The following INTS6 variants were observed in gnomAD, a reference collection of about 807,000 sequenced individuals.
INTS6 encodes the protein DEAD box protein.
INTS6 carries 16 observed loss-of-function variants against 104.9 expected under a neutral mutation model. The ratio of observed to expected loss-of-function variants is 0.15; its 90% CI spans 0.10 to 0.23. The LOEUF (loss-of-function observed/expected upper bound fraction) is 0.23. Among genes scored for constraint, INTS6 ranks in the 10% least tolerant of loss-of-function variants. The pLI is 1.00. For missense variants in INTS6, 584 were observed against 1,062.8 expected, an observed-to-expected ratio of 0.55 and a Z score of 6.26; for synonymous variants, 324 against 358.7, an observed-to-expected ratio of 0.90 and a Z score of 1.09.
Position 51,389,303 on chromosome 13 carries a change from A to G in INTS6, c.739+16T>C, listed in dbSNP as rs750763220. The G allele has an allele frequency of 1.2e-6, 2 of 1,602,598 alleles. No individual in the cohort carries two copies. The highest frequency in any genetic ancestry group is 1.1e-5 in the South Asian group (1 of 88,730). On this transcript the variant is annotated intron_variant, in intron 6 of 17. Coordinates refer to ENST00000311234, the MANE Select transcript of INTS6 (RefSeq NM_012141.3). Reference sequence around the variant, plus strand: ...AAAGCAAGTTTTGAATGTCTAAAAGAAAAGTGCAATAATACCTTCTACAGG... The same window carrying G: ...AAAGCAAGTTTTGAATGTCTAAAAGGAAAGTGCAATAATACCTTCTACAGG...
chr13:51,361,928 T>G lies in INTS6; in HGVS notation c.*3824A>C. ...TATTTTTTGACAGGATTCAGATAAT[T>G]TATCAGTGTCTCTCTAGCAACAAGG... On this transcript the variant is annotated 3_prime_UTR_variant, in exon 18 of 18. Transcript: ENST00000311234. The G allele has an allele frequency of 6.2e-7, 1 of 1,611,962 alleles. No individual in the cohort carries two copies. The highest frequency in any genetic ancestry group is 8.5e-7 in the Non-Finnish European group (1 of 1,178,674).
At chr13:51,367,944 GTATTCTTATTCAA>G in intron 16 of INTS6, 46 bp from the exon 17 acceptor site, 1 of 993,508 alleles carries the variant, frequency 1.0e-6, no homozygotes, top group Non-Finnish European at 1.5e-6. Context: ...CCTTTCATTT[GTATTCTTATTCAA>G]TATTCTTCTT....
chr13:51,340,943 C>A, the INTS6 span: 1 of 812,808 alleles, frequency 1.2e-6, no homozygotes, highest in Non-Finnish European at 1.9e-6. Context: ...ACCAAGACAG[C>A]TCAATGCATC....
chr13:51,368,641 T>A (rs1955739120), intron 16 of INTS6, among the ~76,000 whole-genome samples: 1 of 152,170 alleles, frequency 6.6e-6, no homozygotes, highest in Admixed American at 6.5e-5. Flanking sequence ...GTGAGCTAGC[T>A]GCTATATTAA....
At chr13:51,335,404 T>A in the INTS6 span, among the ~76,000 whole-genome samples, 1 of 152,130 alleles carries the variant, frequency 6.6e-6, no homozygotes, top group Admixed American at 6.5e-5. Context: ...ACGCTCAAAA[T>A]CATTGGTAAC....
chr13:51,450,520 C>T (rs1223983755), intron 3 of INTS6: 1 of 984,660 alleles, frequency 1.0e-6, no homozygotes, highest in Non-Finnish European at 1.2e-6. Flanking sequence ...CAAAAGAAAA[C>T]TTAAATGTTC....
the INTS6 span, chr13:51,344,380 G>A: frequency 6.2e-7 from 1 of 1,613,138 alleles, no homozygotes; most frequent in Non-Finnish European, 8.5e-7. Context: ...CTGCTTTGTG[G>A]AGCACGTCTC....
Position 51,370,588 on chromosome 13 carries a change from C to T in INTS6, c.2105-1278G>A, listed in dbSNP as rs142765768. ...TGGGGGCTACATAAAGGGGAGCAAG[C>T]CCAGTGGTGGCAAGCTAGGCAGGAG... On this transcript the variant is annotated intron_variant, in intron 15 of 17. Transcript: ENST00000311234. Among the ~76,000 whole-genome samples the T allele has an allele frequency of 1.4e-3, 206 of 152,292 alleles. 1 individual carries two copies. Among genetic ancestry groups the T allele is most frequent in the African/African-American group, 4.8e-3 (201 of 41,560 alleles).
chr13:51,361,076 A>AAACTT, downstream of INTS6, among the ~76,000 whole-genome samples: 1 of 152,062 alleles, frequency 6.6e-6, no homozygotes, highest in Non-Finnish European at 1.5e-5. Context: ...GTTTGGTAAC[A>AAACTT]TATTGAGTCT....
At chr13:51,356,750 T>G (rs1250588230), downstream of INTS6, among the ~76,000 whole-genome samples, 2 of 151,326 alleles carry the variant, frequency 1.3e-5, no homozygotes, top group African/African-American at 4.9e-5. Context: ...ATAAATAACC[T>G]AGTTTTAAAA....
chr13:51,404,427 T>C (rs902271118), intron 4 of INTS6, among the ~76,000 whole-genome samples: 11 of 152,156 alleles, frequency 7.2e-5, no homozygotes, highest in African/African-American at 2.7e-4. Flanking sequence ...TCTTTCCCTG[T>C]GTGTGTAACC....
At chr13:51,437,661 G>C (rs1952716263) in intron 3 of INTS6, 1 of 152,206 alleles carries the variant, frequency 6.6e-6, no homozygotes, top group African/African-American at 2.4e-5. Flanking sequence ...AACTCTAACA[G>C]TATATTGTTT....
At chr13:51,347,066 C>T in the INTS6 span, 2 of 1,600,748 alleles carry the variant, frequency 1.2e-6, no homozygotes, top group African/African-American at 1.3e-5. Context: ...GCCGTGGGAG[C>T]AAGTCAGTGC....
intron 5 of INTS6, 46 bp from the exon 6 acceptor site, chr13:51,389,490 A>G (rs776388452): frequency 3.3e-6 from 5 of 1,501,366 alleles, no homozygotes; most frequent in Non-Finnish European, 4.4e-6. Flanking sequence ...AATATAGTAA[A>G]CTAGTTAGTT....
intron 15 of INTS6, 77 bp from the exon 16 acceptor site, chr13:51,369,387 T>A: frequency 7.2e-7 from 1 of 1,391,618 alleles, no homozygotes; most frequent in Non-Finnish European, 9.7e-7. Flanking sequence ...CAAAAGAACA[T>A]TACTACAGCA....
chr13:51,362,987 A>AG lies in INTS6; in HGVS notation c.*2764dup, dbSNP rs1955611931. The AG allele has an allele frequency of 6.6e-6, 1 of 151,996 alleles. No homozygotes were observed. Among genetic ancestry groups the AG allele is most frequent in the South Asian group, 2.1e-4 (1 of 4,832 alleles). The allele number at this position is 151,996 out of a possible 1,614,324, so 9.4% of individuals were successfully genotyped here. On this transcript the variant is annotated 3_prime_UTR_variant, in exon 18 of 18. Coordinates refer to ENST00000311234, the MANE Select transcript of INTS6 (RefSeq NM_012141.3). ...TAGATGAAAATATCACTTATCACCC[A>AG]GAACAGGCGGCAGAGAGCCTTCTCT...
intron 17 of INTS6, among the ~76,000 whole-genome samples, chr13:51,366,456 A>C (rs1394061958): frequency 6.6e-6 from 1 of 151,958 alleles, no homozygotes; most frequent in Non-Finnish European, 1.5e-5. Context: ...ACAGACTAAA[A>C]TTGCATCTGT....
intron 15 of INTS6, among the ~76,000 whole-genome samples, chr13:51,370,752 C>T (rs1406984813): frequency 6.6e-6 from 1 of 152,082 alleles, no homozygotes; most frequent in Non-Finnish European, 1.5e-5. Flanking sequence ...AGCACTCTTC[C>T]CCCTAACAAC....
chr13:51,368,494 C>T (rs971724900), intron 16 of INTS6, among the ~76,000 whole-genome samples: 2 of 152,100 alleles, frequency 1.3e-5, no homozygotes, highest in African/African-American at 2.4e-5. Context: ...TGTTCATATA[C>T]CAGAGAGCTT....
Sources: allele counts gnomAD v4.1 joint callset (sites outside exome capture counted in the v4.1 genomes callset), GRCh38; gene constraint gnomAD v4.1.1; transcripts MANE v1.5; gene names NCBI Gene and HGNC (gene_info 2026-07-23, HGNC 2026-07-21).